Variants in RFT1 observed in about 807,000 individuals in gnomAD.
RFT1 encodes the protein RFT1 glycolipid translocator homolog.
In RFT1, 43 loss-of-function variants were observed where a neutral mutation model predicts 62.2. That is an observed-to-expected ratio of 0.69 (90% confidence interval 0.54 to 0.89). RFT1 has a LOEUF of 0.89. Ranked by LOEUF, RFT1 falls within the 40% of genes least tolerant of loss-of-function variation. RFT1 has a pLI of 0.00. For missense variants in RFT1, 605 were observed against 649.9 expected, an observed-to-expected ratio of 0.93 and a Z score of 0.75; for synonymous variants, 262 against 264.6, an observed-to-expected ratio of 0.99 and a Z score of 0.10.
intron 7 of RFT1, among the ~76,000 whole-genome samples, chr3:53,108,917 C>T (rs1701569786): frequency 1.3e-5 from 2 of 152,184 alleles, no homozygotes; most frequent in African/African-American, 4.8e-5. Context: ...GATCCGCCCA[C>T]CTTGGCCTCC....
chr3:53,068,637 G>A, the RFT1 span, among the ~76,000 whole-genome samples: 8,332 of 152,252 alleles, frequency 0.055, 772 homozygotes, highest in African/African-American at 0.19. Context: ...CAGAAAGCCT[G>A]GTCCTGGCCC....
rs576289053 is a variant in RFT1 at position 53,100,640 on chromosome 3, T to G, written c.1103-1154A>C. Among the ~76,000 whole-genome samples the G allele has an allele frequency of 3.0e-4, 45 of 152,276 alleles. No homozygotes were observed. In the South Asian group the frequency reaches 9.1e-3, roughly 31 times the overall value. On this transcript the variant is annotated intron_variant, in intron 10 of 12. Coordinates refer to ENST00000296292, the MANE Select transcript of RFT1 (RefSeq NM_052859.4). The stretch of plus-strand genomic sequence containing the variant: ...AAACCATGGAAGAATCTCAAAAACT[T>G]TATATTGAAGGAAATATGCCAAATG...
At chr3:53,101,388 G>C (rs1158405358) in intron 10 of RFT1, among the ~76,000 whole-genome samples, 1 of 152,156 alleles carries the variant, frequency 6.6e-6, no homozygotes, top group Admixed American at 6.5e-5. Context: ...AGAGAAGAGT[G>C]GGGGGCCTCC....
chr3:53,105,000 C>T (rs1212463732), intron 9 of RFT1, among the ~76,000 whole-genome samples: 1 of 152,252 alleles, frequency 6.6e-6, no homozygotes, highest in Non-Finnish European at 1.5e-5. Flanking sequence ...ACTTCTGCAT[C>T]CTTTGGCTCT....
the RFT1 span, among the ~76,000 whole-genome samples, chr3:53,067,855 T>A: frequency 2.0e-5 from 3 of 152,210 alleles, no homozygotes; most frequent in African/African-American, 7.2e-5. Context: ...GGGAATAAGG[T>A]CATAAACATG....
chr3:53,067,645 T>C, the RFT1 span, among the ~76,000 whole-genome samples: 2 of 152,180 alleles, frequency 1.3e-5, no homozygotes, highest in Non-Finnish European at 2.9e-5. Context: ...CGAATGTAAG[T>C]TACTCCTCAG....
Position 53,091,807 on chromosome 3 carries a change from C to T in RFT1, c.*96G>A. 7.5e-7 allele frequency: 1 copy of T among 1,341,220 alleles called. No homozygotes were observed. The highest frequency in any genetic ancestry group is 1.1e-6 in the Non-Finnish European group (1 of 939,202). 83.1% of individuals were successfully genotyped at this position (1,341,220 alleles called of 1,614,324 possible). A position where few individuals can be genotyped will look rare whatever the true frequency, so the allele number is the denominator to read the frequency against. On this transcript the variant is annotated 3_prime_UTR_variant, in exon 13 of 13. Transcript: ENST00000296292. Reference sequence around the variant, plus strand: ...CTCTGGGGTTGCTGTCACTCCGCTGCAGAGCCCTCAGTGGGGCTCTTACAC... The same window carrying T: ...CTCTGGGGTTGCTGTCACTCCGCTGTAGAGCCCTCAGTGGGGCTCTTACAC...
rs751577328 is a variant in RFT1 at position 53,091,716 on chromosome 3, C to T, written c.*187G>A. 25 of 654,434 alleles carry T rather than the reference C, an allele frequency of 3.8e-5. No homozygotes were observed. Among genetic ancestry groups the T allele is most frequent in the South Asian group, 1.4e-4 (8 of 58,638 alleles). 40.5% of individuals were successfully genotyped at this position (654,434 alleles called of 1,614,324 possible). A position where few individuals can be genotyped will look rare whatever the true frequency, so the allele number is the denominator to read the frequency against. ...GGTCTTCACTTAAAAATGAAACTCCCCCCCCGCATTTCAGACTTCGAATGG... is the reference window on the plus strand; with the variant it reads ...GGTCTTCACTTAAAAATGAAACTCCTCCCCCGCATTTCAGACTTCGAATGG... On this transcript the variant is annotated 3_prime_UTR_variant, in exon 13 of 13. Coordinates refer to ENST00000296292, the MANE Select transcript of RFT1 (RefSeq NM_052859.4).
At chr3:53,105,415 GCCCCC>G (rs369150776) in intron 9 of RFT1, among the ~76,000 whole-genome samples, 1 of 10,038 alleles carries the variant, frequency 1.0e-4, no homozygotes, top group Non-Finnish European at 6.4e-4. Flanking sequence ...CTCTATCCCC[GCCCCC>G]CCCCCCAAAA....
chr3:53,092,392 CACT>C lies in RFT1; in HGVS notation c.1432_1434del (p.Ser478del), dbSNP rs1559578827. ...ACCTCCGAAACAGCAGTAACCCCAC[CACT>C]GAGGGCAAATGTCCCGAGCAGGACT... On this transcript the variant is annotated inframe_deletion, in exon 12 of 13. Coordinates refer to ENST00000296292, the MANE Select transcript of RFT1 (RefSeq NM_052859.4). 42 of 1,604,256 alleles carry C rather than the reference CACT, an allele frequency of 2.6e-5. No homozygotes were observed. The East Asian group carries it at 9.2e-4, about 35-fold the overall frequency.
Position 53,092,443 on chromosome 3 carries a change from G to C in RFT1, c.1384C>G (p.Leu462Val). 6.2e-7 allele frequency: 1 copy of C among 1,611,436 alleles called. No homozygotes were observed. The highest frequency in any genetic ancestry group is 8.5e-7 in the Non-Finnish European group (1 of 1,179,124). Residue 462 changes from leucine (L) to valine (V), a missense_variant, in exon 12 of 13, where the codon CTG becomes GTG. Coordinates refer to ENST00000296292, the MANE Select transcript of RFT1 (RefSeq NM_052859.4). ...ACTGGCGATAGGTGCAGGCCAGCCA[G>C]GGGCCTGTGGGGGCTCCTTCGGTAG... is the stretch of plus-strand genomic sequence containing the variant. ...RYYRRSPHRP[L>V]AGLHLSPVLL...
rs1333693573 is a variant in RFT1 at position 53,106,837 on chromosome 3, A to G, written c.808T>C (p.Leu270=). The change falls in exon 8 of 13, where the codon TTG becomes CTG. Residue 270 remains leucine (L), a synonymous_variant. Coordinates refer to ENST00000296292, the MANE Select transcript of RFT1 (RefSeq NM_052859.4). ...ERYVMTFLNV[L]NFGDQGVYDI... ...ATCTTACCCTGATCACCAAAGTTCA[A>G]TACATTCAAAAATGTCATCACATAT... is the stretch of plus-strand genomic sequence containing the variant. 2 of 1,613,390 alleles carry G rather than the reference A, an allele frequency of 1.2e-6. No individual in the cohort carries two copies. The highest frequency in any genetic ancestry group is 1.7e-5 in the Admixed American group (1 of 60,024).
downstream of RFT1, among the ~76,000 whole-genome samples, chr3:53,086,920 C>T (rs745373277): frequency 7.9e-5 from 12 of 152,240 alleles, no homozygotes; most frequent in South Asian, 2.3e-3. Flanking sequence ...GTGCCTGGCC[C>T]CCATAAACTG....
intron 8 of RFT1, 134 bp from the exon 9 acceptor site, chr3:53,105,937 T>C (rs1238456196): frequency 4.3e-6 from 4 of 934,718 alleles, no homozygotes; most frequent in Non-Finnish European, 6.2e-6. Flanking sequence ...CACAGAGTTA[T>C]AAGAAGTAAT....
the RFT1 span, among the ~76,000 whole-genome samples, chr3:53,070,967 A>G: frequency 6.6e-6 from 1 of 151,940 alleles, no homozygotes; most frequent in Admixed American, 6.5e-5. Context: ...CCTGATTCAG[A>G]TGATCCGCCC....
At chr3:53,102,865 G>A (rs532337364) in intron 10 of RFT1, among the ~76,000 whole-genome samples, 54 of 152,284 alleles carry the variant, frequency 3.5e-4, no homozygotes, top group Non-Finnish European at 7.1e-4. Flanking sequence ...TTGAGGCAAC[G>A]CCCTGTGATT....
chr3:53,108,072 A>T lies in RFT1; in HGVS notation c.776-1203T>A, dbSNP rs182258439. ...TTTGTTGTGGTTGTTGTTTTGAGAC[A>T]GAGTCTTATTCTGTCGCCCAGGCTA... On this transcript the variant is annotated intron_variant, in intron 7 of 12. Transcript: ENST00000296292. 0.011 allele frequency among the ~76,000 whole-genome samples: 1,644 copies of T among 151,968 alleles called. 67 individuals are homozygous for T. In the South Asian group the frequency reaches 0.12, roughly 11 times the overall value.
At chr3:53,114,471 C>T (rs189656481) in intron 6 of RFT1, among the ~76,000 whole-genome samples, 78 of 152,286 alleles carry the variant, frequency 5.1e-4, no homozygotes, top group Admixed American at 4.2e-3. Context: ...GGTGACACCA[C>T]TTACTAAAAG....
chr3:53,104,150 C>G, intron 9 of RFT1, 53 bp from the exon 10 acceptor site: 1 of 1,585,434 alleles, frequency 6.3e-7, no homozygotes, highest in Non-Finnish European at 8.7e-7. Flanking sequence ...CTGAAGAAAA[C>G]CTTCATCCTT....
Sources: allele counts gnomAD v4.1 joint callset (sites outside exome capture counted in the v4.1 genomes callset), GRCh38; gene constraint gnomAD v4.1.1; transcripts MANE v1.5; gene names NCBI Gene and HGNC (gene_info 2026-07-23, HGNC 2026-07-21).